GRXCR1: variants seen among roughly 807,000 people sequenced by gnomAD.
GRXCR1 encodes the protein glutaredoxin domain-containing cysteine-rich protein 1.
Under a neutral mutation model 27.3 loss-of-function variants are expected in GRXCR1, and 27 were observed. The observed-to-expected ratio is 0.99, with a 90% CI of 0.73 to 1.37. The LOEUF (loss-of-function observed/expected upper bound fraction) is 1.37, where lower values mean the gene tolerates loss of function less well. Among genes scored for constraint, GRXCR1 ranks in the 40% most tolerant of loss-of-function variants. The probability of loss-of-function intolerance (pLI) is 0.00; values close to 1 mark genes in which losing one functional copy is unlikely to be tolerated. For synonymous variants in GRXCR1, 122 were observed against 131.1 expected (o/e 0.93, Z 0.47); for missense variants, 379 against 354.4 (o/e 1.07, Z -0.56).
intron 1 of GRXCR1, among the ~76,000 whole-genome samples, chr4:42,949,158 C>A (rs13137896): frequency 0.13 from 19,789 of 151,474 alleles, 1,402 homozygotes; most frequent in Non-Finnish European, 0.15. Context: ...GATCGAGACC[C>A]TCCTGGCCAA....
intron 1 of GRXCR1, 73 bp from the exon 2 acceptor site, chr4:42,962,819 T>G: frequency 6.3e-7 from 1 of 1,575,152 alleles, no homozygotes; most frequent in Admixed American, 1.7e-5. Context: ...AACGCAATTT[T>G]TAATTGTCTT....
In GRXCR1 at chr4:42,942,977, G is replaced by A. The variant is rs141973946; in HGVS notation, c.385-19915G>A. On this transcript the variant is annotated intron_variant, in intron 1 of 3. Transcript: ENST00000399770. ...ATGGACTGAAGAGTAAGGAGAGAAG[G>A]GACGATGTTTTAGAGCAGGAGGAAG... is the stretch of plus-strand genomic sequence containing the variant. 7.9e-5 allele frequency among the ~76,000 whole-genome samples: 12 copies of A among 152,152 alleles called. No homozygotes were observed. The East Asian group carries it at 1.9e-3, about 25-fold the overall frequency.
intron 2 of GRXCR1, among the ~76,000 whole-genome samples, chr4:42,964,063 G>A (rs1748185963): frequency 6.6e-6 from 1 of 151,982 alleles, no homozygotes; most frequent in Non-Finnish European, 1.5e-5. Context: ...ATGTAGAGAA[G>A]CTGTGATTCA....
At chr4:42,905,354 T>A (rs1746561499) in intron 1 of GRXCR1, among the ~76,000 whole-genome samples, 1 of 152,182 alleles carries the variant, frequency 6.6e-6, no homozygotes, top group South Asian at 2.1e-4. Context: ...ACAGAATCAA[T>A]CTCTTCTTTA....
rs565545311 is a variant in GRXCR1, at chr4:42,997,744, A to G, written c.628-22610A>G. Among the ~76,000 whole-genome samples the G allele has an allele frequency of 7.2e-5, 11 of 152,260 alleles. No homozygotes were observed. In the East Asian group the frequency reaches 9.7e-4, roughly 13 times the overall value. Reference sequence around the variant, plus strand: ...CCACTGAAGTTATTTAAAGCAGCCAATCGTAAGCCTGTTCACCCTGCCTTG... The same window carrying G: ...CCACTGAAGTTATTTAAAGCAGCCAGTCGTAAGCCTGTTCACCCTGCCTTG... On this transcript the variant is annotated intron_variant, in intron 2 of 3. Coordinates refer to ENST00000399770, the MANE Select transcript of GRXCR1 (RefSeq NM_001080476.3).
intron 2 of GRXCR1, among the ~76,000 whole-genome samples, chr4:42,980,457 C>G (rs937535382): frequency 1.3e-5 from 2 of 151,648 alleles, no homozygotes; most frequent in African/African-American, 2.4e-5. Context: ...TTTGAAGTTT[C>G]TCCTGTTATT....
At chr4:42,926,519 G>C (rs1381599307) in intron 1 of GRXCR1, among the ~76,000 whole-genome samples, 2 of 151,630 alleles carry the variant, frequency 1.3e-5, no homozygotes, top group African/African-American at 4.8e-5. Flanking sequence ...CTTTTGGAAA[G>C]CATTCCCTTG....
chr4:42,929,192 G>A (rs1747241744), intron 1 of GRXCR1, among the ~76,000 whole-genome samples: 1 of 151,862 alleles, frequency 6.6e-6, no homozygotes, highest in Non-Finnish European at 1.5e-5. Flanking sequence ...TCACACAAGA[G>A]CAATCACTTT....
intron 2 of GRXCR1, among the ~76,000 whole-genome samples, chr4:42,982,039 GTCTT>G (rs1219355971): frequency 6.8e-6 from 1 of 147,084 alleles, no homozygotes. Context: ...CCACCCCTTT[GTCTT>G]TCTTTCTCCT....
rs180918062 is a variant in GRXCR1, at chr4:43,011,672, G to T, written c.628-8682G>T. 1.8e-3 allele frequency among the ~76,000 whole-genome samples: 274 copies of T among 152,118 alleles called. 3 individuals are homozygous for T. The highest frequency in any genetic ancestry group is 6.4e-3 in the African/African-American group (266 of 41,484). ...CTGCTAGGATCCTAAAAGATAAACC[G>T]GGTTATCATCATGAGTTTAAAATGA... On this transcript the variant is annotated intron_variant, in intron 2 of 3. Coordinates refer to ENST00000399770, the MANE Select transcript of GRXCR1 (RefSeq NM_001080476.3).
chr4:42,964,088 A>G (rs1748186719), intron 2 of GRXCR1, among the ~76,000 whole-genome samples: 1 of 152,014 alleles, frequency 6.6e-6, no homozygotes, highest in Non-Finnish European at 1.5e-5. Context: ...CTATGACACT[A>G]TGTGATTGTA....
At chr4:43,013,846 T>C (rs1324317105) in intron 2 of GRXCR1, among the ~76,000 whole-genome samples, 1 of 152,130 alleles carries the variant, frequency 6.6e-6, no homozygotes, top group East Asian at 1.9e-4. Flanking sequence ...GAGAGATGGC[T>C]TTCTGCCATA....
intron 1 of GRXCR1, among the ~76,000 whole-genome samples, chr4:42,943,687 T>C (rs1026066383): frequency 1.3e-5 from 2 of 152,030 alleles, no homozygotes; most frequent in African/African-American, 2.4e-5. Context: ...AAAGTAGAGG[T>C]ACATATTTAT....
At chr4:42,997,653 G>A (rs961235849) in intron 2 of GRXCR1, among the ~76,000 whole-genome samples, 4 of 152,112 alleles carry the variant, frequency 2.6e-5, no homozygotes, top group Non-Finnish European at 5.9e-5. Context: ...CTCAGGGTGC[G>A]CCATCTCCCT....
At chr4:42,903,475 C>T (rs1158310103) in intron 1 of GRXCR1, among the ~76,000 whole-genome samples, 2 of 145,936 alleles carry the variant, frequency 1.4e-5, no homozygotes, top group Non-Finnish European at 3.0e-5. Flanking sequence ...CCACGCCAGG[C>T]TAATTTTTTG....
At chr4:42,947,814 A>T (rs1488974082) in intron 1 of GRXCR1, among the ~76,000 whole-genome samples, 1 of 152,188 alleles carries the variant, frequency 6.6e-6, no homozygotes, top group Non-Finnish European at 1.5e-5. Context: ...GTTTGAATAT[A>T]CAATCAATAA....
At chr4:42,961,578 A>C (rs2109774322) in intron 1 of GRXCR1, among the ~76,000 whole-genome samples, 1 of 151,786 alleles carries the variant, frequency 6.6e-6, no homozygotes, top group South Asian at 2.1e-4. Context: ...TATTTCTTTT[A>C]CTCCTGACCT....
chr4:42,950,891 G>A (rs1049386490), intron 1 of GRXCR1, among the ~76,000 whole-genome samples: 1 of 151,988 alleles, frequency 6.6e-6, no homozygotes, highest in African/African-American at 2.4e-5. Flanking sequence ...TCTACATTAT[G>A]TCTATATGTC....
intron 1 of GRXCR1, among the ~76,000 whole-genome samples, chr4:42,911,853 A>G (rs1746728005): frequency 6.6e-6 from 1 of 152,318 alleles, no homozygotes; most frequent in African/African-American, 2.4e-5. Context: ...TACATGTGAT[A>G]TAACTTACAT....
Sources: allele counts gnomAD v4.1 joint callset (sites outside exome capture counted in the v4.1 genomes callset), GRCh38; gene constraint gnomAD v4.1.1; transcripts MANE v1.5; gene names NCBI Gene and HGNC (gene_info 2026-07-23, HGNC 2026-07-21).